Variants in ASTN2 observed in about 807,000 individuals in gnomAD.
ASTN2 encodes astrotactin-2.
ASTN2 carries 54 observed loss-of-function variants against 139.8 expected under a neutral mutation model. That is an observed-to-expected ratio of 0.39 (90% CI 0.31 to 0.48). The LOEUF (loss-of-function observed/expected upper bound fraction) is 0.48, where lower values mean the gene tolerates loss of function less well. ASTN2 is among the 20% of genes least tolerant of loss of function. The probability of loss-of-function intolerance (pLI) is 0.95; values close to 1 mark genes in which losing one functional copy is unlikely to be tolerated. For synonymous variants in ASTN2, 756 were observed against 719.5 expected (o/e 1.05, Z -0.81); for missense variants, 1,565 against 1,725.1 (o/e 0.91, Z 1.64).
At chr9:116,924,841 C>T (rs1327598545) in intron 10 of ASTN2, among the ~76,000 whole-genome samples, 1 of 152,148 alleles carries the variant, frequency 6.6e-6, no homozygotes, top group Non-Finnish European at 1.5e-5. Flanking sequence ...GTGCTGACCT[C>T]CTATCTCATC....
intron 5 of ASTN2, among the ~76,000 whole-genome samples, chr9:117,041,881 C>T (rs979403995): frequency 6.6e-6 from 1 of 152,108 alleles, no homozygotes. Context: ...TGAGACTCAC[C>T]ATATATAAAG....
chr9:116,578,924 T>A (rs1853839417), intron 19 of ASTN2: 1 of 152,142 alleles, frequency 6.6e-6, no homozygotes, highest in African/African-American at 2.4e-5. Context: ...TATTATTATT[T>A]ACTTATTTTC....
chr9:116,930,577 G>A (rs544902775), intron 10 of ASTN2, among the ~76,000 whole-genome samples: 5 of 151,770 alleles, frequency 3.3e-5, no homozygotes, highest in South Asian at 2.1e-4. Context: ...AGAGGTGTCC[G>A]ATTTCATTCA....
chr9:117,274,622 T>C (rs755358020), intron 2 of ASTN2, among the ~76,000 whole-genome samples: 4 of 152,254 alleles, frequency 2.6e-5, no homozygotes, highest in Admixed American at 1.3e-4. Context: ...ATTGGAGATA[T>C]GAAGAAAGGC....
At chr9:116,910,156 T>C (rs1478740296) in intron 10 of ASTN2, among the ~76,000 whole-genome samples, 1 of 152,206 alleles carries the variant, frequency 6.6e-6, no homozygotes, top group Non-Finnish European at 1.5e-5. Flanking sequence ...TGAAGTCCTC[T>C]TTAAGAAAAA....
At chr9:116,617,023 T>C (rs1309040639) in intron 19 of ASTN2, among the ~76,000 whole-genome samples, 3 of 152,224 alleles carry the variant, frequency 2.0e-5, no homozygotes, top group Admixed American at 1.3e-4. Context: ...TACTGTTCCA[T>C]GACCTGTCCC....
intron 16 of ASTN2, among the ~76,000 whole-genome samples, chr9:116,695,532 G>A (rs1356622037): frequency 6.6e-6 from 1 of 152,204 alleles, no homozygotes; most frequent in Non-Finnish European, 1.5e-5. Flanking sequence ...TGGAGAAAGA[G>A]TTGATGTCAT....
At chr9:117,356,022 C>T (rs188105144) in intron 1 of ASTN2, among the ~76,000 whole-genome samples, 1 of 152,090 alleles carries the variant, frequency 6.6e-6, no homozygotes, top group East Asian at 1.9e-4. Flanking sequence ...TGCTTACAAA[C>T]ATTTAACTTA....
At chr9:117,313,588 T>A (rs1386389188) in intron 1 of ASTN2, among the ~76,000 whole-genome samples, 3 of 152,090 alleles carry the variant, frequency 2.0e-5, no homozygotes, top group African/African-American at 7.2e-5. Context: ...CCAAGTGAAG[T>A]GGGGAAAAGC....
intron 5 of ASTN2, among the ~76,000 whole-genome samples, chr9:117,062,666 C>A (rs1465247952): frequency 6.6e-6 from 1 of 152,114 alleles, no homozygotes; most frequent in African/African-American, 2.4e-5. Flanking sequence ...GGTGCTGATG[C>A]CTTCAGAGCA....
chr9:116,566,826 T>C (rs1292242098), intron 19 of ASTN2, among the ~76,000 whole-genome samples: 1 of 152,198 alleles, frequency 6.6e-6, no homozygotes. Flanking sequence ...TCCCTTAGGC[T>C]GGGCAGCAGC....
chr9:117,114,350 TCTC>T (rs1407648569), intron 4 of ASTN2, among the ~76,000 whole-genome samples: 10 of 152,226 alleles, frequency 6.6e-5, no homozygotes, highest in African/African-American at 2.4e-4. Flanking sequence ...TATCCTCACT[TCTC>T]CTCTGCATTT....
intron 2 of ASTN2, among the ~76,000 whole-genome samples, chr9:117,220,181 C>T (rs1832467694): frequency 6.6e-6 from 1 of 152,090 alleles, no homozygotes; most frequent in South Asian, 2.1e-4. Flanking sequence ...ATCCTTTCAC[C>T]CCAGTTCCCC....
intron 17 of ASTN2, among the ~76,000 whole-genome samples, chr9:116,649,325 C>T (rs1400312522): frequency 1.3e-5 from 2 of 152,092 alleles, no homozygotes; most frequent in Non-Finnish European, 2.9e-5. Flanking sequence ...GTAATCCCAG[C>T]ACTTTGGGAG....
At chr9:117,166,268 A>C (rs1830668185) in intron 3 of ASTN2, among the ~76,000 whole-genome samples, 1 of 152,112 alleles carries the variant, frequency 6.6e-6, no homozygotes, top group Admixed American at 6.6e-5. Flanking sequence ...CTGAAGGGTC[A>C]GGTCACAAAG....
At chr9:117,071,279 G>A (rs1207334368) in intron 5 of ASTN2, among the ~76,000 whole-genome samples, 1 of 151,476 alleles carries the variant, frequency 6.6e-6, no homozygotes, top group East Asian at 1.9e-4. Context: ...CGTGTGAGGT[G>A]TCAGTGTGCC....
chr9:116,770,120 C>G (rs1363838705), intron 13 of ASTN2, among the ~76,000 whole-genome samples: 1 of 120,634 alleles, frequency 8.3e-6, no homozygotes, highest in African/African-American at 3.0e-5. Context: ...AAAAAAAAAA[C>G]TAAAAAGCTA....
At chr9:116,454,522 A>G (rs1848268848) in intron 20 of ASTN2, among the ~76,000 whole-genome samples, 1 of 152,194 alleles carries the variant, frequency 6.6e-6, no homozygotes, top group African/African-American at 2.4e-5. Context: ...TAGAAATACC[A>G]TTTGACCCAG....
intron 1 of ASTN2, among the ~76,000 whole-genome samples, chr9:117,407,945 C>T (rs1452725721): frequency 6.6e-6 from 1 of 152,136 alleles, no homozygotes; most frequent in Admixed American, 6.5e-5. Flanking sequence ...AAGGTTAAAC[C>T]CGACTCTTTT....
Sources: allele counts gnomAD v4.1 joint callset (sites outside exome capture counted in the v4.1 genomes callset), GRCh38; gene constraint gnomAD v4.1.1; transcripts MANE v1.5; gene names NCBI Gene and HGNC (gene_info 2026-07-23, HGNC 2026-07-21).